ANO5: variants seen among roughly 807,000 people sequenced by gnomAD.
The protein encoded by ANO5 is anoctamin-5.
ANO5 carries 109 observed loss-of-function variants against 121.0 expected under a neutral mutation model. The observed-to-expected ratio is 0.90, with a 90% CI of 0.77 to 1.06. The LOEUF is 1.06. Ranked by LOEUF, ANO5 falls within the 50% of genes least tolerant of loss-of-function variation. The pLI is 0.00. For synonymous variants in ANO5, 406 were observed against 359.9 expected, an observed-to-expected ratio of 1.13 and a Z score of -1.45; for missense variants, 1,064 against 1,078.5, an observed-to-expected ratio of 0.99 and a Z score of 0.19.
chr11:22,213,857 G>T (rs917308832), intron 3 of ANO5, among the ~76,000 whole-genome samples: 1 of 151,504 alleles, frequency 6.6e-6, no homozygotes. Context: ...TGCTCAAATT[G>T]TTCTAGCTTT....
intron 13 of ANO5, 66 bp from the exon 14 acceptor site, chr11:22,257,614 T>C: frequency 1.5e-6 from 2 of 1,294,938 alleles, no homozygotes; most frequent in East Asian, 4.7e-5. Context: ...TGATATTGAC[T>C]AGTGCTTGGA....
At chr11:22,262,010 TG>T in intron 15 of ANO5, 118 bp from the exon 16 acceptor site, 1 of 910,236 alleles carries the variant, frequency 1.1e-6, no homozygotes, top group Non-Finnish European at 1.7e-6. Flanking sequence ...ATCGCCAGAA[TG>T]GGGAGCATTC....
intron 8 of ANO5, among the ~76,000 whole-genome samples, chr11:22,236,825 A>G (rs938292757): frequency 2.0e-5 from 3 of 152,196 alleles, no homozygotes; most frequent in Non-Finnish European, 4.4e-5. Flanking sequence ...GTGCATAAGA[A>G]TGCTTCAGGT....
intron 14 of ANO5, among the ~76,000 whole-genome samples, chr11:22,259,198 C>G (rs889688130): frequency 1.3e-5 from 2 of 151,556 alleles, no homozygotes; most frequent in African/African-American, 4.8e-5. Context: ...CAGATAAGAT[C>G]AGGCAAGGCC....
intron 12 of ANO5, among the ~76,000 whole-genome samples, chr11:22,252,029 C>CAAAAAAAAAAAAAAAAAAAAA (rs10525160): frequency 6.5e-5 from 3 of 45,856 alleles, no homozygotes; most frequent in Admixed American, 4.8e-4. Context: ...GACGCCGTCT[C>CAAAAAAAAAAAAAAAAAAAAA]AAAAAAAAAA....
intron 3 of ANO5, among the ~76,000 whole-genome samples, chr11:22,214,193 A>G (rs191232385): frequency 6.6e-6 from 1 of 151,952 alleles, no homozygotes; most frequent in Admixed American, 6.6e-5. Context: ...GACATAAGCC[A>G]CATCACTTGG....
In ANO5 at chr11:22,276,108, G is replaced by T; in HGVS notation, c.2429G>T (p.Arg810Ile). 6.2e-7 allele frequency: 1 copy of T among 1,606,730 alleles called. No individual in the cohort carries two copies. ...DFITCRYRDY[R>I]YPPDDENKYF... is the part of the protein sequence containing the mutation. ...CCACTTTTCAGGTACAGAGATTACA[G>T]ATATCCTCCTGATGACGAGAATAAA... The change falls in exon 21 of 22, where the codon AGA (arginine) becomes ATA (isoleucine). Residue 810 changes from arginine to isoleucine, a missense_variant. Physicochemically the swap from Arg to Ile is moderately conservative, Grantham distance 97. Transcript: ENST00000324559.
At chr11:22,224,894 A>G (rs1852773359) in intron 5 of ANO5, among the ~76,000 whole-genome samples, 1 of 152,052 alleles carries the variant, frequency 6.6e-6, no homozygotes, top group Non-Finnish European at 1.5e-5. Context: ...AGTGAAATAA[A>G]CCAAGCACAA....
intron 17 of ANO5, among the ~76,000 whole-genome samples, chr11:22,269,642 T>C (rs1854537623): frequency 6.6e-6 from 1 of 151,728 alleles, no homozygotes; most frequent in Non-Finnish European, 1.5e-5. Context: ...AAGACTGAAA[T>C]AATTTTTTTC....
chr11:22,266,350 C>T (rs939551842), intron 17 of ANO5, among the ~76,000 whole-genome samples: 2 of 152,050 alleles, frequency 1.3e-5, no homozygotes, highest in African/African-American at 4.8e-5. Flanking sequence ...GCTTTTTCCT[C>T]TTTACATCAT....
chr11:22,206,152 A>T (rs775152533), intron 2 of ANO5, among the ~76,000 whole-genome samples: 1 of 152,174 alleles, frequency 6.6e-6, no homozygotes, highest in Non-Finnish European at 1.5e-5. Context: ...AGAGACAGAC[A>T]GTTTAAAAAA....
chr11:22,210,581 C>A (rs1220566406), intron 2 of ANO5, among the ~76,000 whole-genome samples: 2 of 151,872 alleles, frequency 1.3e-5, no homozygotes, highest in Non-Finnish European at 2.9e-5. Context: ...TCACTAGAGA[C>A]TGCTGAGAAG....
At position 22,196,170 on chromosome 11, in the gene ANO5, A is replaced by G. The variant is rs76945894; in HGVS notation, c.40+2638A>G. On this transcript the variant is annotated intron_variant, in intron 1 of 21. Transcript: ENST00000324559. ...GAAAATATTTCGCTTTTGGTTCTGG[A>G]GTCTGGAAAGTCCAAGAGCATGGTA... Among the ~76,000 whole-genome samples the G allele has an allele frequency of 0.014, 2,056 of 152,224 alleles. 151 individuals carry two copies. In the East Asian group the frequency reaches 0.21, roughly 16 times the overall value.
At chr11:22,237,790 T>C (rs1202929894) in intron 8 of ANO5, among the ~76,000 whole-genome samples, 3 of 152,134 alleles carry the variant, frequency 2.0e-5, no homozygotes, top group Non-Finnish European at 4.4e-5. Context: ...CTCTTCTTTT[T>C]TTCAACAGCC....
At position 22,259,606 on chromosome 11, in the gene ANO5, GCAT is replaced by G; in HGVS notation, c.1497_1499del (p.Ser500del). 1 of 1,614,044 alleles carries G rather than the reference GCAT, an allele frequency of 6.2e-7. No homozygotes were observed. Among genetic ancestry groups the G allele is most frequent in the Non-Finnish European group, 8.5e-7 (1 of 1,179,984 alleles). ...ATTTGCTAGTTTCATGGAAAGTGAT[GCAT>G]CCTTAAAGCAGGTCAAAAGCTTCCT... On this transcript the variant is annotated inframe_deletion, in exon 15 of 22. Transcript: ENST00000324559.
intron 7 of ANO5, among the ~76,000 whole-genome samples, chr11:22,234,932 A>G (rs1439118837): frequency 6.6e-6 from 1 of 151,994 alleles, no homozygotes; most frequent in Non-Finnish European, 1.5e-5. Context: ...ACACTGACCT[A>G]CCCTCAACTT....
At chr11:22,264,879 G>C (rs1854310046) in intron 17 of ANO5, among the ~76,000 whole-genome samples, 1 of 152,160 alleles carries the variant, frequency 6.6e-6, no homozygotes, top group South Asian at 2.1e-4. Context: ...GAATGTATTA[G>C]TGAATTGGAA....
At chr11:22,196,516 T>TTTA (rs11449601) in intron 1 of ANO5, among the ~76,000 whole-genome samples, 1 of 151,760 alleles carries the variant, frequency 6.6e-6, no homozygotes, top group Non-Finnish European at 1.5e-5. Flanking sequence ...TTTTTTTTTT[T>TTTA]AATGAACATT....
At position 22,279,515 on chromosome 11, in the gene ANO5, G is replaced by A. The variant is rs12282177; in HGVS notation, c.2521-29G>A. On this transcript the variant is annotated intron_variant, in intron 21 of 21. Transcript: ENST00000324559. ...CTGAGCATGTGACACCTCTAACAGC[G>A]TCTAATCTTTCCTTTATATTTCCTC... 2.8e-3 allele frequency: 4,455 copies of A among 1,570,274 alleles called. 76 individuals are homozygous for A. In the African/African-American group the frequency reaches 0.04, roughly 14 times the overall value.
Sources: allele counts gnomAD v4.1 joint callset (sites outside exome capture counted in the v4.1 genomes callset), GRCh38; gene constraint gnomAD v4.1.1; transcripts MANE v1.5; gene names NCBI Gene and HGNC (gene_info 2026-07-23, HGNC 2026-07-21).